Variants in FRMD3 observed in about 807,000 individuals in gnomAD.
FRMD3 encodes the protein FERM domain-containing protein 3.
Under a neutral mutation model 70.2 loss-of-function variants are expected in FRMD3, and 33 were observed. The ratio of observed to expected loss-of-function variants is 0.47; its 90% CI spans 0.36 to 0.63. The LOEUF is 0.63. Among genes scored for constraint, FRMD3 ranks in the 20% least tolerant of loss-of-function variants. The pLI is 0.00. For synonymous variants in FRMD3, 279 were observed against 255.9 expected (o/e 1.09, Z -0.86); for missense variants, 632 against 711.4 (o/e 0.89, Z 1.27).
At chr9:83,416,459 A>C (rs1826444853) in intron 1 of FRMD3, among the ~76,000 whole-genome samples, 1 of 152,214 alleles carries the variant, frequency 6.6e-6, no homozygotes, top group Admixed American at 6.5e-5. Flanking sequence ...TATATTTATC[A>C]GTTTATTTGC....
intron 1 of FRMD3, among the ~76,000 whole-genome samples, chr9:83,503,808 A>G (rs1404550888): frequency 6.6e-6 from 1 of 152,244 alleles, no homozygotes; most frequent in Admixed American, 6.5e-5. Context: ...ATGAGTCCAG[A>G]TTCAGAGAAG....
At chr9:83,329,814 T>C (rs774058229) in intron 6 of FRMD3, among the ~76,000 whole-genome samples, 1 of 152,158 alleles carries the variant, frequency 6.6e-6, no homozygotes, top group Non-Finnish European at 1.5e-5. Context: ...GACCTATGAC[T>C]GAAGTTAATG....
At chr9:83,533,727 C>T (rs1829835364) in intron 1 of FRMD3, among the ~76,000 whole-genome samples, 1 of 152,130 alleles carries the variant, frequency 6.6e-6, no homozygotes, top group Admixed American at 6.5e-5. Context: ...TCAGAATGTT[C>T]CTACTCTTGT....
At chr9:83,444,156 C>T (rs1013396568) in intron 1 of FRMD3, among the ~76,000 whole-genome samples, 1 of 152,232 alleles carries the variant, frequency 6.6e-6, no homozygotes, top group African/African-American at 2.4e-5. Flanking sequence ...TGATGACAAG[C>T]ATGACTCCAG....
chr9:83,541,055 C>T (rs558037448), upstream of FRMD3, among the ~76,000 whole-genome samples: 21 of 152,172 alleles, frequency 1.4e-4, no homozygotes, highest in Non-Finnish European at 2.1e-4. Flanking sequence ...CCTTATGTAA[C>T]GAGGCTGTTC....
At chr9:83,427,059 C>T (rs1336303010) in intron 1 of FRMD3, among the ~76,000 whole-genome samples, 1 of 152,210 alleles carries the variant, frequency 6.6e-6, no homozygotes, top group Non-Finnish European at 1.5e-5. Context: ...GATCTCAGTC[C>T]AGGCACAGGG....
the FRMD3 span, among the ~76,000 whole-genome samples, chr9:83,563,852 C>G: frequency 6.6e-6 from 1 of 152,134 alleles, no homozygotes; most frequent in Non-Finnish European, 1.5e-5. Flanking sequence ...GTACTCTCAC[C>G]TGCATTACTT....
At chr9:83,415,960 G>C (rs11140071) in intron 1 of FRMD3, among the ~76,000 whole-genome samples, 17,575 of 152,124 alleles carry the variant, frequency 0.12, 1,201 homozygotes, top group African/African-American at 0.17. Flanking sequence ...AAATGATGTG[G>C]CTTCTTCTTG....
intron 13 of FRMD3, among the ~76,000 whole-genome samples, chr9:83,261,140 C>CACACACACACAG (rs757325628): frequency 5.3e-5 from 8 of 149,920 alleles, no homozygotes; most frequent in Non-Finnish European, 1.0e-4. Flanking sequence ...CACACACACA[C>CACACACACACAG]AGCAGATCCT....
At chr9:83,505,343 T>C (rs759956183) in intron 1 of FRMD3, among the ~76,000 whole-genome samples, 6 of 152,200 alleles carry the variant, frequency 3.9e-5, no homozygotes, top group South Asian at 4.1e-4. Context: ...TACTTGAAAG[T>C]GCTCGAGAAG....
chr9:83,547,694 A>C, the FRMD3 span, among the ~76,000 whole-genome samples: 26 of 152,340 alleles, frequency 1.7e-4, no homozygotes, highest in East Asian at 3.5e-3. Flanking sequence ...TGGACCTAAC[A>C]GACATTTATA....
At chr9:83,514,116 A>G (rs1013488839) in intron 1 of FRMD3, among the ~76,000 whole-genome samples, 1 of 151,972 alleles carries the variant, frequency 6.6e-6, no homozygotes, top group Non-Finnish European at 1.5e-5. Context: ...AGACAGAACT[A>G]TTCACTCCCC....
chr9:83,281,249 C>A lies in FRMD3; in HGVS notation c.1195+9354G>T, dbSNP rs12342750. Among the ~76,000 whole-genome samples the A allele has an allele frequency of 5.5e-3, 836 of 152,282 alleles. 6 individuals carry two copies. The highest frequency in any genetic ancestry group is 0.019 in the African/African-American group (773 of 41,564). ...CCATGCATCTAAAACTCAGAAAATTCTAGCTTCTGCTTTCTAGCAACAATA... is the reference window on the plus strand; with the variant it reads ...CCATGCATCTAAAACTCAGAAAATTATAGCTTCTGCTTTCTAGCAACAATA... On this transcript the variant is annotated intron_variant, in intron 13 of 13. Coordinates refer to ENST00000304195, the MANE Select transcript of FRMD3 (RefSeq NM_174938.6).
rs142018985 is a variant in FRMD3, at chr9:83,293,619, T to C, written c.1071-2892A>G. Among the ~76,000 whole-genome samples, 810 of 152,328 alleles carry C rather than the reference T, an allele frequency of 5.3e-3. 7 individuals carry two copies. Among genetic ancestry groups the C allele is most frequent in the Non-Finnish European group, 8.1e-3 (554 of 68,030 alleles). Reference sequence around the variant, plus strand: ...ACATTGCAATGTCCAGACAATTGCCTAGCTCTAAGACAGGCTGGGCTCACC... The same window carrying C: ...ACATTGCAATGTCCAGACAATTGCCCAGCTCTAAGACAGGCTGGGCTCACC... On this transcript the variant is annotated intron_variant, in intron 12 of 13. Coordinates refer to ENST00000304195, the MANE Select transcript of FRMD3 (RefSeq NM_174938.6).
chr9:83,491,362 T>C (rs1403679780), intron 1 of FRMD3, among the ~76,000 whole-genome samples: 2 of 152,108 alleles, frequency 1.3e-5, no homozygotes, highest in Non-Finnish European at 1.5e-5. Context: ...CTTGCCGAGT[T>C]TTCTTACTCC....
At chr9:83,357,582 A>G in intron 3 of FRMD3, among the ~76,000 whole-genome samples, 1 of 151,888 alleles carries the variant, frequency 6.6e-6, no homozygotes. Flanking sequence ...CACCTATGCC[A>G]ACATTTATTA....
intron 13 of FRMD3, among the ~76,000 whole-genome samples, chr9:83,268,653 T>C (rs1314940362): frequency 1.3e-5 from 2 of 152,204 alleles, no homozygotes; most frequent in African/African-American, 4.8e-5. Context: ...GCATCGACTA[T>C]GTAAAACTGC....
chr9:83,514,367 C>A (rs1829407086), intron 1 of FRMD3, among the ~76,000 whole-genome samples: 1 of 152,124 alleles, frequency 6.6e-6, no homozygotes, highest in South Asian at 2.1e-4. Context: ...CTGGACAGAG[C>A]CCACCGAAGC....
At chr9:83,243,440 C>G (rs1831945868), downstream of FRMD3, among the ~76,000 whole-genome samples, 2 of 152,134 alleles carry the variant, frequency 1.3e-5, no homozygotes, top group Non-Finnish European at 2.9e-5. Flanking sequence ...GGAGAGTCTT[C>G]CTCTATTTGG....
Sources: allele counts gnomAD v4.1 joint callset (sites outside exome capture counted in the v4.1 genomes callset), GRCh38; gene constraint gnomAD v4.1.1; transcripts MANE v1.5; gene names NCBI Gene and HGNC (gene_info 2026-07-23, HGNC 2026-07-21).